Variants in NDC1 observed in about 807,000 individuals in gnomAD.
NDC1 encodes NDC1 transmembrane nucleoporin, also known as nucleoporin NDC1.
A neutral mutation model predicts 89.8 loss-of-function variants in NDC1; 24 were observed. The observed-to-expected ratio is 0.27, with a 90% CI of 0.19 to 0.38. NDC1 has a LOEUF of 0.38. Ranked by LOEUF, NDC1 falls within the 10% of genes least tolerant of loss-of-function variation. The pLI is 1.00. For missense variants in NDC1, 728 were observed against 797.6 expected, an observed-to-expected ratio of 0.91 and a Z score of 1.05; for synonymous variants, 296 against 284.8, an observed-to-expected ratio of 1.04 and a Z score of -0.39.
intron 16 of NDC1, among the ~76,000 whole-genome samples, chr1:53,781,816 G>T (rs1435678846): frequency 6.6e-6 from 1 of 152,036 alleles, no homozygotes; most frequent in Non-Finnish European, 1.5e-5. Flanking sequence ...ACAAAAAGAT[G>T]GTTTGGGAGC....
chr1:53,838,237 A>G lies in NDC1; in HGVS notation c.25T>C (p.Cys9Arg). 1 of 1,536,862 alleles carries G rather than the reference A, an allele frequency of 6.5e-7. No homozygotes were observed. The highest frequency in any genetic ancestry group is 8.7e-7 in the Non-Finnish European group (1 of 1,145,920). MATAVSRP[C>R]AGRSRDILWR... Reference sequence around the variant, plus strand: ...AGTATGTCCCGCGACCTGCCGGCGCAGGGCCGGCTCACGGCCGTGGCCATG... The same window carrying G: ...AGTATGTCCCGCGACCTGCCGGCGCGGGGCCGGCTCACGGCCGTGGCCATG... The change falls in exon 1 of 18, where the codon TGC becomes CGC. Residue 9 changes from cysteine (C) to arginine (R), a missense_variant. By Grantham distance (180) the Cys-to-Arg change is radical. Coordinates refer to ENST00000371429, the MANE Select transcript of NDC1 (RefSeq NM_018087.5).
chr1:53,797,035 C>T lies in NDC1; in HGVS notation c.1332G>A (p.Val444=), dbSNP rs1322939943. Residue 444 remains valine (V), a synonymous_variant, in exon 12 of 18, where the codon GTG becomes GTA. Transcript: ENST00000371429. ...FSSKLSTPDV[V]SPFGTPFGSS... Reference sequence around the variant, plus strand: ...AGCCAAATGGGGTCCCAAATGGGCTCACAACATCAGGTGTAGATAATTTTG... The same window carrying T: ...AGCCAAATGGGGTCCCAAATGGGCTTACAACATCAGGTGTAGATAATTTTG... The T allele has an allele frequency of 1.9e-6, 3 of 1,614,022 alleles. No individual in the cohort carries two copies. In the African/African-American group the frequency reaches 4.0e-5, roughly 22 times the overall value.
intron 16 of NDC1, among the ~76,000 whole-genome samples, chr1:53,774,837 A>C (rs879816527): frequency 4.6e-5 from 7 of 152,156 alleles, no homozygotes; most frequent in African/African-American, 9.7e-5. Flanking sequence ...GTTACAGTGA[A>C]CCATGATCAT....
chr1:53,819,950 A>AAAAAG lies in NDC1; in HGVS notation c.595-876_595-872dup, dbSNP rs566024704. 4.3e-3 allele frequency among the ~76,000 whole-genome samples: 660 copies of AAAAAG among 152,180 alleles called. 7 individuals are homozygous for AAAAAG. Among genetic ancestry groups the AAAAAG allele is most frequent in the South Asian group, 0.04 (190 of 4,808 alleles). The stretch of plus-strand genomic sequence containing the variant: ...TAATGATAGCTGATGAGCTTAAAAA[A>AAAAAG]AAAAGAAAAGAAAAGAAAAAGGGCT... On this transcript the variant is annotated intron_variant, in intron 5 of 17. Transcript: ENST00000371429.
Position 53,828,088 on chromosome 1 carries a change from A to T in NDC1, c.366T>A (p.Ala122=), listed in dbSNP as rs1415133544. The T allele has an allele frequency of 6.2e-7, 1 of 1,614,184 alleles. No homozygotes were observed. The highest frequency in any genetic ancestry group is 1.7e-5 in the Admixed American group (1 of 60,012). Residue 122 remains alanine, a synonymous_variant, in exon 4 of 18, where the codon GCT becomes GCA. Transcript: ENST00000371429. ...ACCAGGCCATCACCATTCCCATTGC[A>T]GCATGAATAAATGAGTGCATGAGTT... The part of the protein sequence containing the change: ...PQQLMHSFIH[A]AMGMVMAWCA...
intron 11 of NDC1, among the ~76,000 whole-genome samples, chr1:53,798,560 T>TC (rs1235390000): frequency 6.6e-6 from 1 of 151,208 alleles, no homozygotes. Flanking sequence ...TCTTTTTTTT[T>TC]TTTTTTCTCC....
chr1:53,807,287 C>G (rs1001446096), intron 8 of NDC1, among the ~76,000 whole-genome samples: 4 of 143,800 alleles, frequency 2.8e-5, no homozygotes, highest in Non-Finnish European at 6.1e-5. Context: ...CTTACTGCCA[C>G]ATATTTAAAT....
intron 6 of NDC1, among the ~76,000 whole-genome samples, chr1:53,810,464 G>A (rs1648267353): frequency 6.8e-6 from 1 of 147,512 alleles, no homozygotes; most frequent in African/African-American, 2.5e-5. Flanking sequence ...GAAATGAAAA[G>A]TGATAATGCT....
intron 14 of NDC1, among the ~76,000 whole-genome samples, chr1:53,792,509 T>A (rs537101752): frequency 6.6e-6 from 1 of 152,306 alleles, no homozygotes; most frequent in South Asian, 2.1e-4. Flanking sequence ...ATAATAAATA[T>A]AACAGATGCC....
chr1:53,828,545 G>A (rs1347174222), intron 3 of NDC1, among the ~76,000 whole-genome samples: 2 of 151,786 alleles, frequency 1.3e-5, no homozygotes, highest in Non-Finnish European at 2.9e-5. Context: ...TGCAGTGTGG[G>A]AGAGTGACTG....
chr1:53,778,854 T>C (rs1647182038), intron 16 of NDC1, among the ~76,000 whole-genome samples: 1 of 152,018 alleles, frequency 6.6e-6, no homozygotes, highest in Non-Finnish European at 1.5e-5. Context: ...ATAAGAATTA[T>C]CATGTGGCTG....
intron 16 of NDC1, among the ~76,000 whole-genome samples, chr1:53,776,735 T>C (rs1046097452): frequency 1.3e-5 from 2 of 152,172 alleles, no homozygotes; most frequent in Non-Finnish European, 2.9e-5. Context: ...AATTATGAAT[T>C]ATCAATTGTA....
intron 4 of NDC1, 44 bp from the exon 5 acceptor site, chr1:53,825,980 TGTA>T (rs780418275): frequency 6.3e-7 from 1 of 1,593,722 alleles, no homozygotes; most frequent in South Asian, 1.1e-5. Context: ...GTCAGGGACA[TGTA>T]TCACTGTTTT....
chr1:53,780,654 T>C (rs1557566183), intron 16 of NDC1, among the ~76,000 whole-genome samples: 1 of 152,130 alleles, frequency 6.6e-6, no homozygotes, highest in Non-Finnish European at 1.5e-5. Flanking sequence ...ATCAACTTCA[T>C]TAGGATGACA....
chr1:53,816,655 A>C (rs1648491188), intron 6 of NDC1, among the ~76,000 whole-genome samples: 1 of 152,100 alleles, frequency 6.6e-6, no homozygotes, highest in South Asian at 2.1e-4. Context: ...CAAAAAAAAA[A>C]AAAACAGCAA....
At chr1:53,818,928 T>G (rs1648566483) in intron 6 of NDC1, 43 bp downstream of exon 6, 1 of 866,114 alleles carries the variant, frequency 1.2e-6, no homozygotes, top group East Asian at 2.5e-5. Flanking sequence ...TTTTCTGGGC[T>G]ATGAGATAAT....
At chr1:53,793,115 T>C in intron 14 of NDC1, 114 bp downstream of exon 14, 5 of 928,172 alleles carry the variant, frequency 5.4e-6, no homozygotes, top group Non-Finnish European at 8.6e-6. Flanking sequence ...CAAAGCTGCC[T>C]AGCTTGCTAG....
Position 53,765,574 on chromosome 1 carries a change from C to T in NDC1, c.*2396G>A, listed in dbSNP as rs182623847. 6.6e-6 allele frequency: 1 copy of T among 152,222 alleles called. No individual in the cohort carries two copies. Among genetic ancestry groups the T allele is most frequent in the African/African-American group, 2.4e-5 (1 of 41,542 alleles). The allele number at this position is 152,222 out of a possible 1,614,324, so 9.4% of individuals were successfully genotyped here. ...TATCATGAATATTTACAGGATGACA[C>T]ACCAAACAATTACCAAGGAACAAAT... is the stretch of plus-strand genomic sequence containing the variant. On this transcript the variant is annotated 3_prime_UTR_variant, in exon 18 of 18. Coordinates refer to ENST00000371429, the MANE Select transcript of NDC1 (RefSeq NM_018087.5).
rs960595795 is a variant in NDC1, at chr1:53,766,160, A to G, written c.*1810T>C. 6 of 143,444 alleles carry G rather than the reference A, an allele frequency of 4.2e-5. No individual in the cohort carries two copies. Among genetic ancestry groups the G allele is most frequent in the Non-Finnish European group, 9.1e-5 (6 of 65,990 alleles). The allele number at this position is 143,444 out of a possible 1,614,324, so 8.9% of individuals were successfully genotyped here. The stretch of plus-strand genomic sequence containing the variant: ...AAATGTAGCTTTACCCAAAGTATAT[A>G]GGAAATGGCAAAAACCTAACCTAGC... On this transcript the variant is annotated 3_prime_UTR_variant, in exon 18 of 18. Transcript: ENST00000371429.
Sources: gnomAD v4.1 joint callset for allele counts (sites outside exome capture counted in the v4.1 genomes callset) on GRCh38, gnomAD v4.1.1 for gene constraint, MANE v1.5 for transcripts, NCBI Gene and HGNC (gene_info 2026-07-23, HGNC 2026-07-21) for gene names.